CCDC88A: variants seen among roughly 807,000 people sequenced by gnomAD.
CCDC88A encodes coiled-coil and HOOK domain protein 88A, also known as girdin.
A neutral mutation model predicts 234.3 loss-of-function variants in CCDC88A; 54 were observed. The observed-to-expected ratio is 0.23, with a 90% CI of 0.19 to 0.29. The LOEUF (loss-of-function observed/expected upper bound fraction) is 0.29. Among genes scored for constraint, CCDC88A ranks in the 10% least tolerant of loss-of-function variants. CCDC88A has a pLI of 1.00. For synonymous variants in CCDC88A, 753 were observed against 737.8 expected, an observed-to-expected ratio of 1.02 and a Z score of -0.33; for missense variants, 1,832 against 2,123.4, an observed-to-expected ratio of 0.86 and a Z score of 2.70.
chr2:55,367,820 T>C (rs1672247279), intron 5 of CCDC88A, among the ~76,000 whole-genome samples: 1 of 152,086 alleles, frequency 6.6e-6, no homozygotes, highest in Admixed American at 6.6e-5. Flanking sequence ...AGATTCCTTC[T>C]AAGGGTACAT....
chr2:55,337,074 G>A, intron 13 of CCDC88A: 1 of 274,748 alleles, frequency 3.6e-6, no homozygotes, highest in East Asian at 8.7e-5. Flanking sequence ...GACAAATCCA[G>A]CTCAATAAAT....
chr2:55,324,084 T>G (rs189892330), intron 17 of CCDC88A: 3 of 152,314 alleles, frequency 2.0e-5, no homozygotes, highest in African/African-American at 7.2e-5. Flanking sequence ...GTATCATTAA[T>G]CAAAATCTTT....
chr2:55,306,285 A>G (rs1053515701), intron 25 of CCDC88A: 1 of 152,186 alleles, frequency 6.6e-6, no homozygotes, highest in Non-Finnish European at 1.5e-5. Context: ...GTTATCTGCC[A>G]TCTTTTAAAG....
intron 2 of CCDC88A, among the ~76,000 whole-genome samples, chr2:55,402,695 C>T (rs1367865064): frequency 2.3e-5 from 3 of 128,598 alleles, no homozygotes; most frequent in East Asian, 4.5e-4. Context: ...AATGTCGGCA[C>T]ATTTTATTAC....
chr2:55,390,022 C>G (rs189768654), intron 2 of CCDC88A, among the ~76,000 whole-genome samples: 1 of 59,338 alleles, frequency 1.7e-5, no homozygotes, highest in Admixed American at 2.7e-4. Context: ...GCCTGGGCTA[C>G]AGAGCGAGAC....
chr2:55,377,661 G>C (rs181667176), intron 3 of CCDC88A, among the ~76,000 whole-genome samples: 1 of 151,996 alleles, frequency 6.6e-6, no homozygotes, highest in Non-Finnish European at 1.5e-5. Flanking sequence ...CTAGGCTGGA[G>C]TGCAATGGCA....
intron 2 of CCDC88A, among the ~76,000 whole-genome samples, chr2:55,410,309 G>A (rs917807111): frequency 5.3e-5 from 8 of 152,130 alleles, no homozygotes; most frequent in African/African-American, 9.7e-5. Flanking sequence ...CAGAGATGAC[G>A]GGAGGAGGTT....
chr2:55,369,468 T>TTTG (rs1672512131), intron 5 of CCDC88A, among the ~76,000 whole-genome samples: 1 of 111,054 alleles, frequency 9.0e-6, no homozygotes, highest in Non-Finnish European at 1.8e-5. Flanking sequence ...TTTTTTTTTT[T>TTTG]TGAGATGAAG....
intron 11 of CCDC88A, 116 bp downstream of exon 11, chr2:55,344,252 C>T (rs1668838819): frequency 3.4e-6 from 2 of 584,092 alleles, no homozygotes; most frequent in Non-Finnish European, 5.6e-6. Flanking sequence ...ATTTAGCTCT[C>T]TCTTCTCTGT....
chr2:55,343,919 T>G, intron 11 of CCDC88A, 127 bp from the exon 12 acceptor site: 1 of 821,958 alleles, frequency 1.2e-6, no homozygotes, highest in Non-Finnish European at 1.8e-6. Flanking sequence ...CTTTAAATTT[T>G]TCAGTTTTGA....
rs1367912658 is a variant in CCDC88A at position 55,337,258 on chromosome 2, G to C, written c.1519-440C>G. On this transcript the variant is annotated intron_variant, in intron 13 of 32. Coordinates refer to ENST00000436346, the MANE Select transcript of CCDC88A (RefSeq NM_001365480.1). ...ATAAACAGTACAGTATAAGCTTAATGAAAAAAGAAAGGACTTCCTTTAAGA... is the reference window on the plus strand; with the variant it reads ...ATAAACAGTACAGTATAAGCTTAATCAAAAAAGAAAGGACTTCCTTTAAGA... 2.0e-5 allele frequency: 3 copies of C among 151,826 alleles called. No individual in the cohort carries two copies. In the South Asian group the frequency reaches 6.2e-4, roughly 31 times the overall value. 9.4% of individuals were successfully genotyped at this position (151,826 alleles called of 1,614,324 possible). A position where few individuals can be genotyped will look rare whatever the true frequency, so the allele number is the denominator to read the frequency against.
At chr2:55,384,527 A>ATGTT (rs376696224) in intron 3 of CCDC88A, among the ~76,000 whole-genome samples, 1 of 86,548 alleles carries the variant, frequency 1.2e-5, no homozygotes, top group Admixed American at 1.3e-4. Flanking sequence ...AATTATATAT[A>ATGTT]TATACATATA....
chr2:55,403,135 T>A (rs528848442), intron 2 of CCDC88A, among the ~76,000 whole-genome samples: 1 of 152,310 alleles, frequency 6.6e-6, no homozygotes, highest in East Asian at 1.9e-4. Context: ...ATACAATCAG[T>A]TGTTTTCCCT....
intron 3 of CCDC88A, among the ~76,000 whole-genome samples, chr2:55,382,508 T>G (rs1010217402): frequency 6.6e-6 from 1 of 152,162 alleles, no homozygotes; most frequent in Non-Finnish European, 1.5e-5. Flanking sequence ...CAGGGTTCTA[T>G]AGACAACTAA....
intron 2 of CCDC88A, among the ~76,000 whole-genome samples, chr2:55,392,055 T>C (rs1676741658): frequency 6.6e-6 from 1 of 152,246 alleles, no homozygotes. Context: ...GATAAGACTG[T>C]GTTGACTCAT....
intron 18 of CCDC88A, 53 bp from the exon 19 acceptor site, chr2:55,319,057 A>G: frequency 6.9e-7 from 1 of 1,439,874 alleles, no homozygotes; most frequent in Non-Finnish European, 9.6e-7. Flanking sequence ...GCAACATCAA[A>G]TATGTTTCTA....
chr2:55,373,591 T>A (rs1673158784), intron 4 of CCDC88A, among the ~76,000 whole-genome samples: 1 of 152,182 alleles, frequency 6.6e-6, no homozygotes, highest in Non-Finnish European at 1.5e-5. Context: ...CACCAAACCA[T>A]AAGAGCTTCT....
At chr2:55,395,081 A>AG (rs1677306368) in intron 2 of CCDC88A, among the ~76,000 whole-genome samples, 1 of 152,104 alleles carries the variant, frequency 6.6e-6, no homozygotes, top group African/African-American at 2.4e-5. Context: ...CCTGACCTCA[A>AG]GTGATCTGCC....
chr2:55,357,570 G>T (rs139196430), intron 7 of CCDC88A, among the ~76,000 whole-genome samples: 195 of 152,050 alleles, frequency 1.3e-3, no homozygotes, highest in African/African-American at 4.5e-3. Context: ...AACTTCTCAG[G>T]CAAATAAACT....
Sources: allele counts gnomAD v4.1 joint callset (sites outside exome capture counted in the v4.1 genomes callset), GRCh38; gene constraint gnomAD v4.1.1; transcripts MANE v1.5; gene names NCBI Gene and HGNC (gene_info 2026-07-23, HGNC 2026-07-21).